Variants in ZNF469 observed in about 807,000 individuals in gnomAD.
The protein encoded by ZNF469 is zinc finger protein 469.
ZNF469 carries 1 observed loss-of-function variant against 1.0 expected under a neutral mutation model. The ratio of observed to expected loss-of-function variants is 1.00; its 90% confidence interval spans 0.35 to 4.73. The LOEUF is 4.73. ZNF469 is among the 30% of genes most tolerant of loss of function. ZNF469 has a pLI of 0.16. For missense variants in ZNF469, 6,100 were observed against 5,356.3 expected (o/e 1.14, Z -4.33); for synonymous variants, 2,703 against 2,363.4 (o/e 1.14, Z -4.17).
the ZNF469 span, among the ~76,000 whole-genome samples, chr16:88,313,664 C>T: frequency 2.4e-3 from 360 of 152,050 alleles, 3 homozygotes; most frequent in African/African-American, 8.4e-3. Flanking sequence ...TGTGGACTCT[C>T]TCTGTAATTA....
the ZNF469 span, among the ~76,000 whole-genome samples, chr16:88,264,041 G>A: frequency 1.7e-4 from 26 of 152,138 alleles, 1 homozygote; most frequent in South Asian, 3.5e-3. Flanking sequence ...TCCACACCAC[G>A]TGTACTCATG....
At chr16:88,324,475 CAG>C in the ZNF469 span, among the ~76,000 whole-genome samples, 4 of 152,326 alleles carry the variant, frequency 2.6e-5, no homozygotes, top group East Asian at 1.9e-4. Context: ...GGCTGTGATG[CAG>C]AGAGTCCCAG....
chr16:88,216,669 C>G, the ZNF469 span, among the ~76,000 whole-genome samples: 3 of 152,072 alleles, frequency 2.0e-5, no homozygotes, highest in South Asian at 4.2e-4. Flanking sequence ...GTGCCTTTGT[C>G]TTTATCATGC....
At chr16:88,199,526 T>C in the ZNF469 span, among the ~76,000 whole-genome samples, 1 of 152,200 alleles carries the variant, frequency 6.6e-6, no homozygotes, top group Non-Finnish European at 1.5e-5. Flanking sequence ...AACCATTGTT[T>C]GATGAAGGTG....
At chr16:88,300,803 G>A in the ZNF469 span, among the ~76,000 whole-genome samples, 1 of 152,144 alleles carries the variant, frequency 6.6e-6, no homozygotes, top group Non-Finnish European at 1.5e-5. Context: ...GGTGGCTCAC[G>A]CATGTGATCC....
chr16:88,326,682 T>G, the ZNF469 span, among the ~76,000 whole-genome samples: 1 of 152,066 alleles, frequency 6.6e-6, no homozygotes, highest in Non-Finnish European at 1.5e-5. Flanking sequence ...GTTTGGGGTG[T>G]TTGCTTTAAC....
rs528296276 is a variant in ZNF469 at position 88,392,353 on chromosome 16, T to C, written c.-192+9099T>C. On this transcript the variant is annotated intron_variant, in intron 1 of 2. Coordinates refer to ENST00000565624, the MANE Select transcript of ZNF469 (RefSeq NM_001367624.2). ...GTGCCCTTGTGCCTTGCAATCCTGA[T>C]GCCAAACGCCTAGCGTAGGTGCCTC... Among the ~76,000 whole-genome samples, 5 of 152,372 alleles carry C rather than the reference T, an allele frequency of 3.3e-5. No homozygotes were observed. In the South Asian group the frequency reaches 8.3e-4, roughly 25 times the overall value.
intron 1 of ZNF469, among the ~76,000 whole-genome samples, chr16:88,410,964 A>G (rs1049474661): frequency 6.6e-6 from 1 of 151,348 alleles, no homozygotes; most frequent in Non-Finnish European, 1.5e-5. Flanking sequence ...GCCTCACTCC[A>G]CCTCTACCTC....
At chr16:88,188,682 G>C in the ZNF469 span, among the ~76,000 whole-genome samples, 1 of 152,158 alleles carries the variant, frequency 6.6e-6, no homozygotes, top group South Asian at 2.1e-4. Context: ...CCAGTGCCAC[G>C]GGTCTCCAGG....
the ZNF469 span, among the ~76,000 whole-genome samples, chr16:88,159,831 C>T: frequency 6.6e-5 from 10 of 152,244 alleles, no homozygotes; most frequent in East Asian, 1.5e-3. Flanking sequence ...AGGCTGTCAT[C>T]CCACAAAGCA....
chr16:88,307,021 G>A, the ZNF469 span, among the ~76,000 whole-genome samples: 49 of 152,150 alleles, frequency 3.2e-4, no homozygotes, highest in Middle Eastern at 3.4e-3. Flanking sequence ...CTTCTACCCC[G>A]GTCCCTGGCA....
the ZNF469 span, among the ~76,000 whole-genome samples, chr16:88,364,919 C>T: frequency 3.3e-5 from 5 of 152,244 alleles, no homozygotes; most frequent in Admixed American, 2.6e-4. Flanking sequence ...AAGCCAAGAT[C>T]ACGCCACTGC....
the ZNF469 span, among the ~76,000 whole-genome samples, chr16:88,299,717 G>A: frequency 6.7e-4 from 102 of 152,214 alleles, no homozygotes; most frequent in African/African-American, 2.4e-3. Flanking sequence ...GGTCTTCAGG[G>A]ATTTGGGTGG....
the ZNF469 span, among the ~76,000 whole-genome samples, chr16:88,240,185 G>A: frequency 1.3e-5 from 2 of 152,150 alleles, no homozygotes; most frequent in Non-Finnish European, 2.9e-5. Context: ...AGCAGTGGGA[G>A]GTGCTCCCGG....
the ZNF469 span, among the ~76,000 whole-genome samples, chr16:88,135,751 T>TA: frequency 1.9e-5 from 1 of 53,978 alleles, no homozygotes; most frequent in Non-Finnish European, 3.1e-5. Flanking sequence ...TGGCCATGTT[T>TA]TTTTTTTTTT....
chr16:88,250,835 G>C, the ZNF469 span, among the ~76,000 whole-genome samples: 1 of 152,104 alleles, frequency 6.6e-6, no homozygotes, highest in East Asian at 1.9e-4. Flanking sequence ...TGTAGTTTCT[G>C]TTACTTTGTT....
chr16:88,436,948 C>G lies in ZNF469; in HGVS notation c.9478C>G (p.Arg3160Gly), dbSNP rs1454074090. 1 of 1,494,108 alleles carries G rather than the reference C, an allele frequency of 6.7e-7. No individual in the cohort carries two copies. The highest frequency in any genetic ancestry group is 1.3e-5 in the South Asian group (1 of 77,754). The allele number at this position is 1,494,108 out of a possible 1,614,324, so 92.6% of individuals were successfully genotyped here. A position where few individuals can be genotyped will look rare whatever the true frequency, so the allele number is the denominator to read the frequency against. Residue 3160 changes from arginine (R) to glycine (G), a missense_variant, in exon 3 of 3, where the codon CGG (arginine) becomes GGG (glycine). Arg to Gly is a moderately radical substitution (Grantham distance 125). Transcript: ENST00000565624. ...CAGGTTTGGCTCGCGGGAGCTGCTG[C>G]GGGGGCACCTGCAGGAGAGGCACGC... ...ERRFGSRELLRGHLQERHAQS... is the reference protein window; with the variant it reads ...ERRFGSRELLGGHLQERHAQS...
chr16:88,180,721 C>T, the ZNF469 span, among the ~76,000 whole-genome samples: 1 of 151,652 alleles, frequency 6.6e-6, no homozygotes, highest in Non-Finnish European at 1.5e-5. Context: ...TTGCAGTGAG[C>T]CAACGTGGTC....
chr16:88,358,094 C>T, the ZNF469 span, among the ~76,000 whole-genome samples: 9 of 152,216 alleles, frequency 5.9e-5, no homozygotes, highest in East Asian at 1.9e-4. Flanking sequence ...GGGCAAGCTT[C>T]GCTTCAGTGT....
Sources: gnomAD v4.1 joint callset for allele counts (sites outside exome capture counted in the v4.1 genomes callset) on GRCh38, gnomAD v4.1.1 for gene constraint, MANE v1.5 for transcripts, NCBI Gene and HGNC (gene_info 2026-07-23, HGNC 2026-07-21) for gene names.